ZNF148: variants seen among roughly 807,000 people sequenced by gnomAD.
ZNF148 encodes the protein Beta-Enolase Repressor Factor-1.
In ZNF148, 7 loss-of-function variants were observed where a neutral mutation model predicts 67.7. The observed-to-expected ratio is 0.10, with a 90% CI of 0.06 to 0.19. The LOEUF is 0.19. Ranked by LOEUF, ZNF148 falls within the 10% of genes least tolerant of loss-of-function variation. The probability of loss-of-function intolerance (pLI) is 1.00; values close to 1 mark genes in which losing one functional copy is unlikely to be tolerated. For missense variants in ZNF148, 583 were observed against 947.1 expected, an observed-to-expected ratio of 0.62 and a Z score of 5.05; for synonymous variants, 333 against 330.7, an observed-to-expected ratio of 1.01 and a Z score of -0.08.
chr3:125,373,216 G>A (rs937263635), intron 1 of ZNF148, among the ~76,000 whole-genome samples: 4 of 151,128 alleles, frequency 2.6e-5, no homozygotes, highest in South Asian at 2.1e-4. Context: ...AGGCCAAGGC[G>A]GGCGGATCAC....
intron 4 of ZNF148, chr3:125,311,304 T>C (rs1345296647): frequency 6.5e-6 from 1 of 153,400 alleles, no homozygotes; most frequent in Non-Finnish European, 1.5e-5. Context: ...GTTCAAGCTT[T>C]GGATGATGCT....
At chr3:125,277,431 G>A (rs1938135373) in intron 7 of ZNF148, among the ~76,000 whole-genome samples, 1 of 152,132 alleles carries the variant, frequency 6.6e-6, no homozygotes, top group South Asian at 2.1e-4. Flanking sequence ...ATAATTTTGA[G>A]TTCAGTAAAC....
At chr3:125,301,301 T>G (rs987577449) in intron 4 of ZNF148, among the ~76,000 whole-genome samples, 8 of 152,234 alleles carry the variant, frequency 5.3e-5, no homozygotes, top group East Asian at 1.9e-4. Flanking sequence ...GAGACCAGCC[T>G]GGGTAACACA....
chr3:125,271,547 G>A (rs938068611), intron 7 of ZNF148, among the ~76,000 whole-genome samples: 5 of 152,166 alleles, frequency 3.3e-5, no homozygotes, highest in African/African-American at 1.2e-4. Context: ...TATTGGTTAA[G>A]GGCACAAACT....
In ZNF148 at chr3:125,279,152, G is replaced by A; in HGVS notation, c.555C>T (p.His185=). 6.2e-7 allele frequency: 1 copy of A among 1,608,316 alleles called. No individual in the cohort carries two copies. Among genetic ancestry groups the A allele is most frequent in the South Asian group, 1.1e-5 (1 of 89,606 alleles). The change falls in exon 6 of 9, where the codon CAC becomes CAT. Residue 185 remains histidine (H), a synonymous_variant. Transcript: ENST00000360647. ...HCNAAFRTNY[H]LQRHVFIHTG... Reference sequence around the variant, plus strand: ...TATGAATGAAGACATGTCTCTGTAAGTGATAGTTCGTTCTAAAGGCAGCAT... The same window carrying A: ...TATGAATGAAGACATGTCTCTGTAAATGATAGTTCGTTCTAAAGGCAGCAT...
chr3:125,251,743 G>A (rs1448732072), intron 7 of ZNF148, among the ~76,000 whole-genome samples: 1 of 152,152 alleles, frequency 6.6e-6, no homozygotes, highest in Non-Finnish European at 1.5e-5. Flanking sequence ...AGTTTTTGGT[G>A]ACTACTAACA....
At chr3:125,256,973 T>TG (rs200194938) in intron 7 of ZNF148, among the ~76,000 whole-genome samples, 70 of 147,844 alleles carry the variant, frequency 4.7e-4, no homozygotes, top group African/African-American at 1.6e-3. Flanking sequence ...TCCAGTTTTT[T>TG]TTTTTTTTTT....
At chr3:125,329,017 A>G (rs73859170) in intron 2 of ZNF148, among the ~76,000 whole-genome samples, 1 of 131,572 alleles carries the variant, frequency 7.6e-6, no homozygotes, top group Non-Finnish European at 1.7e-5. Flanking sequence ...ATATATATAT[A>G]TATCTGTACA....
intron 1 of ZNF148, among the ~76,000 whole-genome samples, chr3:125,343,146 C>A (rs536216898): frequency 1.4e-4 from 21 of 152,318 alleles, no homozygotes; most frequent in Non-Finnish European, 2.5e-4. Context: ...ACTAACACTA[C>A]ATGACTCACA....
rs537466189 is a variant in ZNF148 at position 125,366,816 on chromosome 3, A to C, written c.-234+8286T>G. Among the ~76,000 whole-genome samples, 4 of 152,312 alleles carry C rather than the reference A, an allele frequency of 2.6e-5. No homozygotes were observed. In the South Asian group the frequency reaches 8.3e-4, roughly 32 times the overall value. ...ATGCTCTCTTTCAGTAATCTTTGCC[A>C]ATCAAAATCCTATCAATCCAAAACT... On this transcript the variant is annotated intron_variant, in intron 1 of 8. Transcript: ENST00000360647.
At position 125,313,587 on chromosome 3, in the gene ZNF148, G is replaced by A. The variant is rs753007307; in HGVS notation, c.54C>T (p.Asp18=). 16 of 1,613,936 alleles carry A rather than the reference G, an allele frequency of 9.9e-6. No homozygotes were observed. Among genetic ancestry groups the A allele is most frequent in the East Asian group, 2.2e-5 (1 of 44,892 alleles). ...CCATTGTCCTGGAAGACTGCATTTC[G>A]TCTATGCCGCCACATTTAAGAAACA... ...EGLFLKCGGI[D]EMQSSRTMVV... Residue 18 remains aspartate (D), a synonymous_variant, in exon 4 of 9, where the codon GAC becomes GAT. Transcript: ENST00000360647.
chr3:125,320,022 A>C (rs1940699331), intron 3 of ZNF148, among the ~76,000 whole-genome samples: 1 of 152,194 alleles, frequency 6.6e-6, no homozygotes, highest in Non-Finnish European at 1.5e-5. Flanking sequence ...ACTTTCCGAC[A>C]CAGAATCCCC....
In ZNF148 at chr3:125,233,005, T is replaced by C. The variant is rs768815700; in HGVS notation, c.1721A>G (p.Asn574Ser). ...GGTGACCTCTGGTACTTCTGAAGAA[T>C]TTATTGATATGCTAGAAGTCACTTC... The part of the protein sequence containing the change: ...DTEVTSSISI[N>S]SSEVPEVTPS... Residue 574 changes from asparagine (N) to serine (S), a missense_variant, in exon 9 of 9, where the codon AAT becomes AGT. By Grantham distance (46) the Asn-to-Ser change is conservative. Transcript: ENST00000360647. The surrounding 1 kb of genome is among the most constrained non-coding windows in gnomAD (Gnocchi z 5.1). The C allele has an allele frequency of 1.9e-6, 3 of 1,613,740 alleles. No homozygotes were observed. Among genetic ancestry groups the C allele is most frequent in the East Asian group, 4.5e-5 (2 of 44,884 alleles).
chr3:125,306,547 G>C (rs1939887851), intron 4 of ZNF148, among the ~76,000 whole-genome samples: 1 of 151,998 alleles, frequency 6.6e-6, no homozygotes. Flanking sequence ...ACTTATTCAA[G>C]AAAAAATGTT....
chr3:125,233,663 C>T lies in ZNF148; in HGVS notation c.1063G>A (p.Val355Ile). The T allele has an allele frequency of 6.2e-7, 1 of 1,613,910 alleles. No homozygotes were observed. Among genetic ancestry groups the T allele is most frequent in the African/African-American group, 1.3e-5 (1 of 75,008 alleles). Residue 355 changes from valine to isoleucine, a missense_variant, in exon 9 of 9, where the codon GTA becomes ATA. Physicochemically the swap from Val to Ile is conservative, Grantham distance 29. Transcript: ENST00000360647. This position sits in a 1 kb window ranked among gnomAD's most constrained non-coding sequence, Gnocchi z 5.1. ...YLPLYSSSTK[V>I]KDEYMVAEYA... ...TCTGCAACCATATACTCATCTTTTA[C>T]TTTAGTACTTGAAGAATAAAGAGGC...
At chr3:125,354,572 G>T (rs1156985852) in intron 1 of ZNF148, among the ~76,000 whole-genome samples, 7 of 152,160 alleles carry the variant, frequency 4.6e-5, no homozygotes, top group Non-Finnish European at 1.0e-4. Flanking sequence ...TAACTAGGGG[G>T]TCTTGCTATA....
chr3:125,364,576 C>A (rs1037999773), intron 1 of ZNF148, among the ~76,000 whole-genome samples: 13 of 152,198 alleles, frequency 8.5e-5, no homozygotes, highest in African/African-American at 2.2e-4. Flanking sequence ...GAACTAGACA[C>A]AGAAATTGGG....
intron 7 of ZNF148, among the ~76,000 whole-genome samples, chr3:125,252,464 C>T (rs894473761): frequency 4.6e-5 from 7 of 151,906 alleles, no homozygotes; most frequent in Non-Finnish European, 1.0e-4. Flanking sequence ...TAATTTTTCC[C>T]CCTAGACCTA....
intron 7 of ZNF148, among the ~76,000 whole-genome samples, chr3:125,250,524 C>T (rs943296994): frequency 2.0e-5 from 3 of 152,102 alleles, no homozygotes; most frequent in Non-Finnish European, 4.4e-5. Context: ...TGTAACTTAC[C>T]TGTAAGAAAC....
Sources: allele counts gnomAD v4.1 joint callset (sites outside exome capture counted in the v4.1 genomes callset), GRCh38; gene constraint gnomAD v4.1.1; non-coding constraint Gnocchi (gnomAD v3.1); transcripts MANE v1.5; gene names NCBI Gene and HGNC (gene_info 2026-07-23, HGNC 2026-07-21).